The following CORO7 variants were observed in gnomAD, a reference collection of about 807,000 sequenced individuals.
CORO7 encodes the protein coronin 7, also known as coronin-7.
A neutral mutation model predicts 126.6 loss-of-function variants in CORO7; 107 were observed. The observed-to-expected ratio is 0.85, with a 90% CI of 0.72 to 0.99. CORO7 has a LOEUF of 0.99. CORO7 is among the 50% of genes least tolerant of loss of function. The pLI is 0.00. For synonymous variants in CORO7, 603 were observed against 536.8 expected (o/e 1.12, Z -1.70); for missense variants, 1,314 against 1,255.8 (o/e 1.05, Z -0.70).
At chr16:4,382,159 C>G (rs762818287) in intron 9 of CORO7, 3 of 1,593,524 alleles carry the variant, frequency 1.9e-6, no homozygotes, top group South Asian at 2.3e-5. Flanking sequence ...ACGGCACCAC[C>G]TGGCGTGCTT....
chr16:4,392,087 C>T (rs2055412549), intron 7 of CORO7, among the ~76,000 whole-genome samples: 1 of 152,164 alleles, frequency 6.6e-6, no homozygotes, highest in Non-Finnish European at 1.5e-5. Flanking sequence ...GTTCACCACC[C>T]CCCACTGGCC....
chr16:4,388,211 A>C, intron 8 of CORO7, 143 bp from the exon 9 acceptor site: 1 of 1,037,090 alleles, frequency 9.6e-7, no homozygotes, highest in Non-Finnish European at 1.4e-6. Flanking sequence ...GGTGGGAGTC[A>C]CCCCAGGGAA....
At chr16:4,357,520 C>G in intron 25 of CORO7, 1 of 411,190 alleles carries the variant, frequency 2.4e-6, no homozygotes, top group African/African-American at 2.1e-5. Flanking sequence ...CCACGCCAGG[C>G]TAATTTTGTA....
intron 9 of CORO7, among the ~76,000 whole-genome samples, chr16:4,367,769 G>A (rs1163509233): frequency 6.6e-6 from 1 of 152,166 alleles, no homozygotes; most frequent in Non-Finnish European, 1.5e-5. Flanking sequence ...CTGACAGCCT[G>A]GACAGTGTGG....
At chr16:4,415,003 G>A (rs1003815872) in intron 1 of CORO7, among the ~76,000 whole-genome samples, 1 of 151,954 alleles carries the variant, frequency 6.6e-6, no homozygotes, top group Non-Finnish European at 1.5e-5. Flanking sequence ...CTGGGACCAC[G>A]GGAGTGAGTC....
At chr16:4,361,891 T>A in intron 16 of CORO7, 94 bp downstream of exon 16, 1 of 1,522,594 alleles carries the variant, frequency 6.6e-7, no homozygotes, top group Non-Finnish European at 8.9e-7. Flanking sequence ...ACACAAGGTT[T>A]GTGCTCCCTG....
In CORO7 at chr16:4,381,319, G is replaced by A. The variant is rs772931134; in HGVS notation, c.785+6667C>T. ...CCAGCCTGGTGCCTTCGACACGCTC[G>A]ACCGCCTCCTGGAGCTCAAGCTGCA... is the stretch of plus-strand genomic sequence containing the variant. On this transcript the variant is annotated intron_variant, in intron 9 of 27. Coordinates refer to ENST00000251166, the MANE Select transcript of CORO7 (RefSeq NM_024535.5). 25 of 1,611,260 alleles carry A rather than the reference G, an allele frequency of 1.6e-5. No homozygotes were observed. The highest frequency in any genetic ancestry group is 2.0e-5 in the Non-Finnish European group (23 of 1,179,432).
At chr16:4,402,524 G>A (rs930308881) in intron 6 of CORO7, among the ~76,000 whole-genome samples, 5 of 152,236 alleles carry the variant, frequency 3.3e-5, no homozygotes, top group African/African-American at 1.2e-4. Context: ...TGGGATGACA[G>A]GCGTGAGCCA....
rs756467818 is a variant in CORO7, at chr16:4,361,459, G to C, written c.1589C>G (p.Pro530Arg). 1 of 1,611,806 alleles carries C rather than the reference G, an allele frequency of 6.2e-7. No individual in the cohort carries two copies. The highest frequency in any genetic ancestry group is 1.7e-5 in the Admixed American group (1 of 59,916). ...CAGTGCCGTGTCGGGCAGGCGGCCA[G>C]GCTTCCGTAGCTGTGGGAGGTGCCC... ...GQVAVLELRK[P>R]GRLPDTALPT... The change falls in exon 17 of 28, where the codon CCT becomes CGT. Residue 530 changes from proline to arginine, a missense_variant. Pro to Arg is a moderately radical substitution (Grantham distance 103). Coordinates refer to ENST00000251166, the MANE Select transcript of CORO7 (RefSeq NM_024535.5).
At chr16:4,364,547 C>T in intron 13 of CORO7, 50 bp downstream of exon 13, 3 of 1,529,258 alleles carry the variant, frequency 2.0e-6, no homozygotes, top group Non-Finnish European at 2.6e-6. Flanking sequence ...CCACACGGGG[C>T]TACCAGGGAC....
At position 4,395,308 on chromosome 16, in the gene CORO7, G is replaced by C. The variant is rs1490746577; in HGVS notation, c.596C>G (p.Thr199Arg). ...ACTCACCTGAGAGGCCCGCGGCTTT[G>C]TTCTGGGGTCAAAGATCCGCAGCTG... ...DKQLRIFDPR[T>R]KPRASQSTQA... Residue 199 changes from threonine (T) to arginine (R), a missense_variant, in exon 7 of 28, where the codon ACA becomes AGA. Thr to Arg is a moderately conservative substitution (Grantham distance 71). Transcript: ENST00000251166. 6.2e-7 allele frequency: 1 copy of C among 1,614,076 alleles called. No individual in the cohort carries two copies. Among genetic ancestry groups the C allele is most frequent in the Non-Finnish European group, 8.5e-7 (1 of 1,180,002 alleles).
chr16:4,358,798 C>G (rs2054065851), intron 23 of CORO7: 1 of 346,434 alleles, frequency 2.9e-6, no homozygotes, highest in Non-Finnish European at 5.2e-6. Flanking sequence ...CACTCCAACA[C>G]AGAAACATGT....
chr16:4,381,126 GT>G (rs2054941930), intron 9 of CORO7: 1 of 1,610,126 alleles, frequency 6.2e-7, no homozygotes. Flanking sequence ...TCCTGGACCT[GT>G]CACAGAACCA....
chr16:4,373,471 C>A (rs1016923618), intron 9 of CORO7, among the ~76,000 whole-genome samples: 1 of 152,094 alleles, frequency 6.6e-6, no homozygotes, highest in Non-Finnish European at 1.5e-5. Flanking sequence ...CCAGATGGCA[C>A]CTCTCTCTCC....
intron 1 of CORO7, among the ~76,000 whole-genome samples, chr16:4,416,241 C>G (rs535869808): frequency 2.0e-5 from 3 of 152,132 alleles, no homozygotes; most frequent in African/African-American, 4.8e-5. Flanking sequence ...CCAGGGTCAC[C>G]GAGCGCCAGA....
intron 9 of CORO7, among the ~76,000 whole-genome samples, chr16:4,375,271 G>A (rs2054678355): frequency 6.6e-6 from 1 of 152,196 alleles, no homozygotes; most frequent in African/African-American, 2.4e-5. Flanking sequence ...CTGGGTGGAG[G>A]GAGGAGGGAA....
intron 9 of CORO7, among the ~76,000 whole-genome samples, chr16:4,378,668 G>C (rs2054840445): frequency 6.6e-6 from 1 of 152,044 alleles, no homozygotes; most frequent in South Asian, 2.1e-4. Flanking sequence ...CTGGGGTTTG[G>C]GGTGCTAACT....
Position 4,355,170 on chromosome 16 carries a change from C to A in CORO7, c.2773-7G>T, listed in dbSNP as rs372269364. ...ACGGGGGCGCAGGCTAGTCCTGGGG[C>A]GAAACACCAAGAGGTGGGAGGGAGT... On this transcript the variant is annotated splice_region_variant and splice_polypyrimidine_tract_variant and intron_variant, in intron 27 of 27. Coordinates refer to ENST00000251166, the MANE Select transcript of CORO7 (RefSeq NM_024535.5). 1.9e-6 allele frequency: 3 copies of A among 1,538,544 alleles called. No individual in the cohort carries two copies. Among genetic ancestry groups the A allele is most frequent in the African/African-American group, 2.7e-5 (2 of 73,508 alleles).
intron 1 of CORO7, among the ~76,000 whole-genome samples, chr16:4,415,268 G>A (rs1197862804): frequency 2.0e-5 from 3 of 151,940 alleles, no homozygotes; most frequent in African/African-American, 4.8e-5. Flanking sequence ...ATACTGCTCC[G>A]GCCATCCCCT....
Sources: allele counts gnomAD v4.1 joint callset (sites outside exome capture counted in the v4.1 genomes callset), GRCh38; gene constraint gnomAD v4.1.1; transcripts MANE v1.5; gene names NCBI Gene and HGNC (gene_info 2026-07-23, HGNC 2026-07-21).